PCNX2: variants seen among roughly 807,000 people sequenced by gnomAD.
PCNX2 encodes the protein pecanex-like protein 2.
In PCNX2, 168 loss-of-function variants were observed where a neutral mutation model predicts 223.8. The observed-to-expected ratio is 0.75, with a 90% CI of 0.66 to 0.85. PCNX2 has a LOEUF of 0.85. Among genes scored for constraint, PCNX2 ranks in the 40% least tolerant of loss-of-function variants. The pLI is 0.00. For synonymous variants in PCNX2, 1,006 were observed against 1,052.6 expected, an observed-to-expected ratio of 0.96 and a Z score of 0.86; for missense variants, 2,507 against 2,675.5, an observed-to-expected ratio of 0.94 and a Z score of 1.39.
At chr1:233,163,182 T>TTAA (rs1285999352) in intron 17 of PCNX2, among the ~76,000 whole-genome samples, 1 of 152,016 alleles carries the variant, frequency 6.6e-6, no homozygotes, top group Non-Finnish European at 1.5e-5. Flanking sequence ...AAAAGCCACA[T>TTAA]ATATTTAAAG....
intron 1 of PCNX2, among the ~76,000 whole-genome samples, chr1:233,265,403 G>A (rs1204097475): frequency 6.6e-6 from 1 of 152,158 alleles, no homozygotes; most frequent in African/African-American, 2.4e-5. Context: ...GTGAGGCTGA[G>A]GCCATATGAC....
chr1:233,146,371 A>C (rs1033270435), intron 19 of PCNX2, among the ~76,000 whole-genome samples: 2 of 152,268 alleles, frequency 1.3e-5, no homozygotes, highest in East Asian at 3.9e-4. Context: ...GTTCTGGGGG[A>C]AAAAAGCAGT....
the PCNX2 span, among the ~76,000 whole-genome samples, chr1:233,315,846 T>C: frequency 2.1e-3 from 314 of 152,326 alleles, 1 homozygote; most frequent in African/African-American, 7.0e-3. Flanking sequence ...TCTGTGTCCT[T>C]TGTTTAATAT....
intron 20 of PCNX2, among the ~76,000 whole-genome samples, chr1:233,136,350 A>G (rs1479518245): frequency 1.3e-5 from 2 of 152,200 alleles, no homozygotes; most frequent in African/African-American, 4.8e-5. Context: ...AGCATTATGA[A>G]TATCTTATCC....
At chr1:233,040,953 C>G (rs1359163246) in intron 25 of PCNX2, among the ~76,000 whole-genome samples, 2 of 152,144 alleles carry the variant, frequency 1.3e-5, no homozygotes, top group Non-Finnish European at 2.9e-5. Context: ...TTCCTCTAAT[C>G]GTTCAACTTC....
rs561483143 is a variant in PCNX2 at position 233,248,495 on chromosome 1, T to A, written c.2222+2244A>T. Among the ~76,000 whole-genome samples the A allele has an allele frequency of 1.5e-4, 23 of 152,208 alleles. 1 individual carries two copies. In the East Asian group the frequency reaches 1.9e-3, roughly 13 times the overall value. On this transcript the variant is annotated intron_variant, in intron 8 of 33. Coordinates refer to ENST00000258229, the MANE Select transcript of PCNX2 (RefSeq NM_014801.4). ...ATCTAGGGTAACGACAGCCGTCTTT[T>A]GACCGCCGGGGTGAGGTGTTTGAGA...
At chr1:233,017,905 G>A (rs1365921266) in intron 26 of PCNX2, among the ~76,000 whole-genome samples, 1 of 152,258 alleles carries the variant, frequency 6.6e-6, no homozygotes, top group Non-Finnish European at 1.5e-5. Context: ...GTTGCTGTAG[G>A]CTTTGGTGGT....
chr1:233,225,154 GAACT>G (rs972930306), intron 10 of PCNX2, among the ~76,000 whole-genome samples: 71 of 137,218 alleles, frequency 5.2e-4, no homozygotes, highest in Non-Finnish European at 1.7e-4. Flanking sequence ...TGTTACCTAT[GAACT>G]AACAGTCTAA....
intron 8 of PCNX2, among the ~76,000 whole-genome samples, chr1:233,237,668 T>C (rs994550821): frequency 1.3e-5 from 2 of 152,120 alleles, no homozygotes; most frequent in Non-Finnish European, 2.9e-5. Flanking sequence ...TCTAGTAGGG[T>C]ATCTATAACT....
chr1:233,202,310 T>C (rs1681167326), intron 13 of PCNX2: 3 of 377,044 alleles, frequency 8.0e-6, no homozygotes, highest in Non-Finnish European at 1.6e-5. Context: ...TCCTCTCACT[T>C]CTTCCTAACT....
chr1:233,250,892 C>T, intron 7 of PCNX2, 60 bp from the exon 8 acceptor site: 1 of 1,482,384 alleles, frequency 6.7e-7, no homozygotes, highest in Non-Finnish European at 9.0e-7. Flanking sequence ...AGAATCGTTT[C>T]AACTTATACA....
chr1:233,042,291 C>A (rs1671670181), intron 25 of PCNX2, among the ~76,000 whole-genome samples: 1 of 152,184 alleles, frequency 6.6e-6, no homozygotes. Flanking sequence ...CCAGCCTCAT[C>A]CCAGCCCTTT....
intron 1 of PCNX2, among the ~76,000 whole-genome samples, chr1:233,276,252 T>A (rs1204981663): frequency 6.6e-6 from 1 of 152,152 alleles, no homozygotes; most frequent in African/African-American, 2.4e-5. Flanking sequence ...TCCACTTATA[T>A]GAGGTAACTA....
chr1:233,145,134 T>G (rs1188991616), intron 19 of PCNX2, among the ~76,000 whole-genome samples: 1 of 151,882 alleles, frequency 6.6e-6, no homozygotes, highest in South Asian at 2.1e-4. Context: ...CCGGCTAATT[T>G]TTTTGTATTT....
intron 8 of PCNX2, chr1:233,241,374 A>G (rs1658755874): frequency 8.1e-6 from 8 of 985,464 alleles, no homozygotes; most frequent in Non-Finnish European, 9.6e-6. Context: ...AAGTCTTTCT[A>G]GAATCAACCT....
At chr1:233,272,200 C>G (rs1436029484) in intron 1 of PCNX2, among the ~76,000 whole-genome samples, 1 of 151,242 alleles carries the variant, frequency 6.6e-6, no homozygotes, top group Non-Finnish European at 1.5e-5. Context: ...GCAGAGTAAA[C>G]AGACAACCCA....
At chr1:233,306,921 T>G in the PCNX2 span, among the ~76,000 whole-genome samples, 1 of 152,214 alleles carries the variant, frequency 6.6e-6, no homozygotes, top group Admixed American at 6.5e-5. Flanking sequence ...GTATATATGT[T>G]TCATGCATTT....
chr1:233,179,362 T>C (rs6424284), intron 15 of PCNX2, among the ~76,000 whole-genome samples, 187 bp from the exon 16 acceptor site: 1,644 of 152,322 alleles, frequency 0.011, 31 homozygotes, highest in African/African-American at 0.038. Flanking sequence ...TTTATAGACA[T>C]TGATTTTGAT....
At chr1:233,277,215 G>A (rs71638459) in intron 1 of PCNX2, among the ~76,000 whole-genome samples, 3,153 of 152,282 alleles carry the variant, frequency 0.021, 41 homozygotes, top group Non-Finnish European at 0.029. Context: ...ATGACACACC[G>A]CTGAGCCCTT....
Sources: gnomAD v4.1 joint callset for allele counts (sites outside exome capture counted in the v4.1 genomes callset) on GRCh38, gnomAD v4.1.1 for gene constraint, MANE v1.5 for transcripts, NCBI Gene and HGNC (gene_info 2026-07-23, HGNC 2026-07-21) for gene names.